Variants in POTEG observed in about 807,000 individuals in gnomAD.
POTEG encodes the protein POTE ankyrin domain family member G, also known as ANKRD26-like family C member 2.
A neutral mutation model predicts 49.6 loss-of-function variants in POTEG; 2 were observed. That is an observed-to-expected ratio of 0.04 (90% CI 0.02 to 0.13). POTEG has a LOEUF of 0.13. Among genes scored for constraint, POTEG ranks in the 10% least tolerant of loss-of-function variants. POTEG has a pLI of 1.00. For missense variants in POTEG, 26 were observed against 545.2 expected, an observed-to-expected ratio of 0.05 and a Z score of 9.48; for synonymous variants, 7 against 186.6, an observed-to-expected ratio of 0.04 and a Z score of 7.84.
chr14:19,433,109 A>G, intron 1 of POTEG, among the ~76,000 whole-genome samples: 1 of 146,772 alleles, frequency 6.8e-6, no homozygotes, highest in Non-Finnish European at 1.5e-5. Flanking sequence ...TATATTTTTT[A>G]GTAGAGACGG....
At chr14:19,431,180 T>C (rs1884121409) in intron 1 of POTEG, among the ~76,000 whole-genome samples, 1 of 152,414 alleles carries the variant, frequency 6.6e-6, no homozygotes, top group East Asian at 1.9e-4. Context: ...CTACATATTT[T>C]CAGCTAACAC....
chr14:19,432,402 A>C (rs1884181196), intron 1 of POTEG, among the ~76,000 whole-genome samples: 6 of 86,982 alleles, frequency 6.9e-5, no homozygotes, highest in South Asian at 3.5e-4. Context: ...ATATATATAT[A>C]TACACACACA....
At chr14:19,415,899 G>T (rs28608786) in intron 7 of POTEG, among the ~76,000 whole-genome samples, 1 of 128,130 alleles carries the variant, frequency 7.8e-6, no homozygotes. Flanking sequence ...AGGCTGGAGT[G>T]TAGTGGCAGA....
intron 7 of POTEG, among the ~76,000 whole-genome samples, chr14:19,415,006 C>T (rs1324970061): frequency 6.9e-6 from 1 of 144,054 alleles, no homozygotes; most frequent in East Asian, 2.0e-4. Context: ...GAGTTTACCT[C>T]ATGAAACCCT....
At chr14:19,419,865 G>C (rs1302016386) in intron 6 of POTEG, among the ~76,000 whole-genome samples, 2 of 134,746 alleles carry the variant, frequency 1.5e-5, no homozygotes, top group Non-Finnish European at 1.6e-5. Context: ...CGCTCATCTA[G>C]TATTTGCAGT....
At chr14:19,419,919 A>G (rs1171511676) in intron 6 of POTEG, among the ~76,000 whole-genome samples, 1 of 142,640 alleles carries the variant, frequency 7.0e-6, no homozygotes, top group Non-Finnish European at 1.5e-5. Context: ...CCATGGGGTA[A>G]AACCTACTCA....
intron 1 of POTEG, among the ~76,000 whole-genome samples, chr14:19,432,413 T>A (rs559116237): frequency 1.4e-5 from 1 of 72,140 alleles, no homozygotes; most frequent in African/African-American, 5.4e-5. Flanking sequence ...TACACACACA[T>A]GTATATATAT....
chr14:19,430,698 A>G (rs1426146348), intron 1 of POTEG, among the ~76,000 whole-genome samples: 1 of 126,478 alleles, frequency 7.9e-6, no homozygotes, highest in Admixed American at 7.9e-5. Flanking sequence ...GATTGAAAAC[A>G]ATGGATGAAC....
At chr14:19,416,066 G>A (rs1191666751) in intron 7 of POTEG, among the ~76,000 whole-genome samples, 695 of 144,544 alleles carry the variant, frequency 4.8e-3, no homozygotes, top group East Asian at 0.012. Context: ...GGATGGTCTC[G>A]ATCTCCTGAC....
At chr14:19,416,085 C>T (rs1262934660) in intron 7 of POTEG, among the ~76,000 whole-genome samples, 1 of 147,460 alleles carries the variant, frequency 6.8e-6, no homozygotes, top group African/African-American at 2.5e-5. Flanking sequence ...ACCTCATGAT[C>T]CGCCCACCTC....
chr14:19,413,421 GA>G lies in POTEG; in HGVS notation c.1341del (p.Pro448HisfsTer47). On this transcript the variant is annotated frameshift_variant, in exon 9 of 11. Transcript: ENST00000547848. LOFTEE classifies it high-confidence loss of function. ...ATADNGDDGL[I>X]PPRKSRTPES... ...TCAGGTGTTCTGCTTTTCCTTGGTGGAATTAATCCATCATCACCATTGTCAG... is the reference window on the plus strand; with the variant it reads ...TCAGGTGTTCTGCTTTTCCTTGGTGGATTAATCCATCATCACCATTGTCAG... The G allele has an allele frequency of 8.4e-7, 1 of 1,191,492 alleles. No homozygotes were observed. The highest frequency in any genetic ancestry group is 1.1e-6 in the Non-Finnish European group (1 of 894,678). The allele number at this position is 1,191,492 out of a possible 1,614,324, so 73.8% of individuals were successfully genotyped here.
chr14:19,426,505 C>T, intron 3 of POTEG, among the ~76,000 whole-genome samples: 1 of 152,160 alleles, frequency 6.6e-6, no homozygotes, highest in Non-Finnish European at 1.5e-5. Context: ...GACCTAAGCA[C>T]TTGAATGACT....
chr14:19,422,108 CA>C (rs1198328805), intron 5 of POTEG, among the ~76,000 whole-genome samples: 278 of 26,296 alleles, frequency 0.011, no homozygotes, highest in African/African-American at 0.031. Flanking sequence ...AATGAGATCA[CA>C]TTTTTTAAAT....
At chr14:19,432,367 TATATATATATATATATATATA>T (rs1884169672) in intron 1 of POTEG, among the ~76,000 whole-genome samples, 1 of 10,304 alleles carries the variant, frequency 9.7e-5, no homozygotes, top group African/African-American at 3.5e-4. Flanking sequence ...AGAAATTTTG[TATATATATATATATATATATA>T]TATATATATA....
intron 3 of POTEG, among the ~76,000 whole-genome samples, chr14:19,426,348 T>C (rs1391876253): frequency 6.8e-6 from 1 of 146,120 alleles, no homozygotes; most frequent in Non-Finnish European, 1.5e-5. Context: ...TGGTTTTAAG[T>C]GTGTAAAACT....
chr14:19,421,524 TC>T, intron 6 of POTEG, 99 bp downstream of exon 6: 5 of 1,428,250 alleles, frequency 3.5e-6, no homozygotes, highest in Non-Finnish European at 4.9e-6. Context: ...TCCCCACCTT[TC>T]CCCAGCCCAT....
chr14:19,415,129 G>A (rs563393545), intron 7 of POTEG, among the ~76,000 whole-genome samples: 3 of 145,164 alleles, frequency 2.1e-5, no homozygotes, highest in Admixed American at 2.1e-4. Context: ...AGAAAGAGAT[G>A]CAAATTCTTA....
chr14:19,409,748 TAGAA>T (rs1459927673), intron 9 of POTEG, among the ~76,000 whole-genome samples: 4 of 83,418 alleles, frequency 4.8e-5, no homozygotes, highest in African/African-American at 1.3e-4. Flanking sequence ...TTCTTCTTCT[TAGAA>T]AGGGGATTTT....
chr14:19,415,675 A>G (rs1288817736), intron 7 of POTEG, among the ~76,000 whole-genome samples: 5 of 151,706 alleles, frequency 3.3e-5, no homozygotes, highest in African/African-American at 1.2e-4. Flanking sequence ...AAGCTAATCA[A>G]GAAGGCAGAT....
Sources: allele counts gnomAD v4.1 joint callset (sites outside exome capture counted in the v4.1 genomes callset), GRCh38; gene constraint gnomAD v4.1.1; transcripts MANE v1.5; gene names NCBI Gene and HGNC (gene_info 2026-07-23, HGNC 2026-07-21).